The following LPAR1 variants were observed in gnomAD, a reference collection of about 807,000 sequenced individuals.
LPAR1 encodes the protein lysophosphatidic acid receptor 1.
In LPAR1, 5 loss-of-function variants were observed where a neutral mutation model predicts 23.8. The observed-to-expected ratio is 0.21, with a 90% CI of 0.11 to 0.44. The LOEUF is 0.44. Ranked by LOEUF, LPAR1 falls within the 20% of genes least tolerant of loss-of-function variation. LPAR1 has a pLI of 0.99. For missense variants in LPAR1, 311 were observed against 482.8 expected (o/e 0.64, Z 3.33); for synonymous variants, 160 against 164.7 (o/e 0.97, Z 0.22).
chr9:110,999,299 T>C (rs2097083674), intron 2 of LPAR1: 2 of 434,596 alleles, frequency 4.6e-6, no homozygotes, highest in South Asian at 3.3e-5. Flanking sequence ...CAGATGGAAC[T>C]GAATTAAAAG....
At chr9:110,976,793 C>A (rs911250639) in intron 2 of LPAR1, among the ~76,000 whole-genome samples, 6 of 152,114 alleles carry the variant, frequency 3.9e-5, no homozygotes, top group African/African-American at 1.4e-4. Flanking sequence ...ACTTCTAATG[C>A]CTCTCACCTG....
chr9:110,974,414 C>T (rs2096504261), intron 2 of LPAR1, among the ~76,000 whole-genome samples: 1 of 152,204 alleles, frequency 6.6e-6, no homozygotes, highest in Non-Finnish European at 1.5e-5. Context: ...TATATTAGCT[C>T]AGGGATACTG....
chr9:110,898,836 A>C (rs2087505747), intron 5 of LPAR1, among the ~76,000 whole-genome samples: 1 of 152,238 alleles, frequency 6.6e-6, no homozygotes, highest in Admixed American at 6.5e-5. Flanking sequence ...AGTATTCATA[A>C]AATCAGGCCT....
intron 2 of LPAR1, among the ~76,000 whole-genome samples, chr9:110,975,814 A>G (rs1372846968): frequency 6.6e-6 from 1 of 152,216 alleles, no homozygotes; most frequent in Non-Finnish European, 1.5e-5. Flanking sequence ...GAAGAAAATA[A>G]GACAGAAAAT....
At chr9:111,003,357 C>T (rs1288732138) in intron 2 of LPAR1, among the ~76,000 whole-genome samples, 1 of 152,110 alleles carries the variant, frequency 6.6e-6, no homozygotes, top group Non-Finnish European at 1.5e-5. Flanking sequence ...TCAACACATG[C>T]ACCCTCGCAT....
At chr9:110,883,451 G>A (rs945939255) in intron 5 of LPAR1, among the ~76,000 whole-genome samples, 25 of 151,946 alleles carry the variant, frequency 1.6e-4, no homozygotes, top group African/African-American at 5.6e-4. Context: ...TTTTTAAAAA[G>A]GAAGGAAGAA....
At chr9:110,876,681 A>G (rs568694967) in intron 5 of LPAR1, among the ~76,000 whole-genome samples, 1 of 152,376 alleles carries the variant, frequency 6.6e-6, no homozygotes, top group East Asian at 1.9e-4. Flanking sequence ...AATATTTTAA[A>G]CCAAATTTAC....
chr9:110,915,565 A>G (rs1431636084), intron 5 of LPAR1, among the ~76,000 whole-genome samples: 1 of 152,150 alleles, frequency 6.6e-6, no homozygotes, highest in African/African-American at 2.4e-5. Flanking sequence ...AGAATATACA[A>G]CAAAAAAGTA....
chr9:110,975,486 TCA>T (rs985931531), intron 2 of LPAR1, among the ~76,000 whole-genome samples: 3 of 152,142 alleles, frequency 2.0e-5, no homozygotes, highest in Admixed American at 2.0e-4. Context: ...ATACCCACAG[TCA>T]CACAGTCAGG....
intron 2 of LPAR1, among the ~76,000 whole-genome samples, chr9:110,985,244 C>A (rs1471265616): frequency 6.6e-6 from 1 of 152,120 alleles, no homozygotes; most frequent in Non-Finnish European, 1.5e-5. Context: ...TTTCCTCTCT[C>A]TGTGGCTACT....
intron 3 of LPAR1, among the ~76,000 whole-genome samples, chr9:110,972,588 G>C (rs919750283): frequency 2.6e-5 from 4 of 152,152 alleles, no homozygotes; most frequent in African/African-American, 9.7e-5. Context: ...AGAGGGCAAA[G>C]AGAATGCAGT....
intron 5 of LPAR1, among the ~76,000 whole-genome samples, chr9:110,917,503 C>G (rs1391797128): frequency 6.6e-6 from 1 of 152,176 alleles, no homozygotes; most frequent in African/African-American, 2.4e-5. Context: ...TTAAGCCCCA[C>G]AGAATTGCTT....
intron 2 of LPAR1, among the ~76,000 whole-genome samples, chr9:111,027,515 A>G (rs766750889): frequency 1.2e-4 from 18 of 150,546 alleles, no homozygotes; most frequent in Non-Finnish European, 2.5e-4. Flanking sequence ...AAACAAAACA[A>G]GAAAAATATT....
In LPAR1 at chr9:110,969,602, C is replaced by T. The variant is rs576973623; in HGVS notation, c.45+2471G>A. ...AGGCACACACCTATAATCCTAGCTA[C>T]TTGGGAGGCTGAGGCAGGAGAATTG... On this transcript the variant is annotated intron_variant, in intron 4 of 5. Transcript: ENST00000683809. Among the ~76,000 whole-genome samples, 17 of 151,908 alleles carry T rather than the reference C, an allele frequency of 1.1e-4. No individual in the cohort carries two copies. In the South Asian group the frequency reaches 3.1e-3, roughly 28 times the overall value.
At chr9:110,886,846 T>G (rs888044455) in intron 5 of LPAR1, among the ~76,000 whole-genome samples, 3 of 152,168 alleles carry the variant, frequency 2.0e-5, no homozygotes, top group African/African-American at 7.2e-5. Flanking sequence ...AAATCAATGT[T>G]GTCAACTCCA....
intron 4 of LPAR1, among the ~76,000 whole-genome samples, chr9:110,965,334 C>A (rs905228619): frequency 1.3e-5 from 2 of 152,120 alleles, no homozygotes; most frequent in Non-Finnish European, 2.9e-5. Context: ...TGGTTGTGAA[C>A]AGGCAACCTA....
At chr9:110,931,935 T>C (rs2094444226) in intron 5 of LPAR1, among the ~76,000 whole-genome samples, 1 of 152,160 alleles carries the variant, frequency 6.6e-6, no homozygotes, top group Non-Finnish European at 1.5e-5. Flanking sequence ...CCTTGTAGTA[T>C]AGTTTGAAGT....
intron 2 of LPAR1, among the ~76,000 whole-genome samples, chr9:111,022,862 A>G (rs2097583983): frequency 6.6e-6 from 1 of 151,906 alleles, no homozygotes; most frequent in Admixed American, 6.6e-5. Flanking sequence ...CATCCTGGCT[A>G]ACACGGTAAA....
At chr9:110,926,868 T>C (rs887608092) in intron 5 of LPAR1, among the ~76,000 whole-genome samples, 2 of 152,138 alleles carry the variant, frequency 1.3e-5, no homozygotes, top group Admixed American at 6.5e-5. Context: ...CAAGGACAGG[T>C]TGAATGCCAT....
Sources: allele counts gnomAD v4.1 joint callset (sites outside exome capture counted in the v4.1 genomes callset), GRCh38; gene constraint gnomAD v4.1.1; transcripts MANE v1.5; gene names NCBI Gene and HGNC (gene_info 2026-07-23, HGNC 2026-07-21).